Variants in NEK10 observed in about 807,000 individuals in gnomAD.
The protein encoded by NEK10 is serine/threonine-protein kinase Nek10.
Under a neutral mutation model 159.8 loss-of-function variants are expected in NEK10, and 122 were observed. That is an observed-to-expected ratio of 0.76 (90% CI 0.66 to 0.89). The LOEUF (loss-of-function observed/expected upper bound fraction) is 0.89, where lower values mean the gene tolerates loss of function less well. Among genes scored for constraint, NEK10 ranks in the 40% least tolerant of loss-of-function variants. The pLI is 0.00. For synonymous variants in NEK10, 466 were observed against 457.1 expected (o/e 1.02, Z -0.25); for missense variants, 1,342 against 1,323.1 (o/e 1.01, Z -0.22).
At chr3:27,221,379 A>T (rs193106829) in intron 23 of NEK10, among the ~76,000 whole-genome samples, 1 of 152,344 alleles carries the variant, frequency 6.6e-6, no homozygotes, top group African/African-American at 2.4e-5. Flanking sequence ...GTTACAGAAA[A>T]ATGCAATGAA....
chr3:27,159,374 TAAC>T (rs1434421374), intron 30 of NEK10, among the ~76,000 whole-genome samples: 1 of 152,122 alleles, frequency 6.6e-6, no homozygotes. Context: ...ACAGAAATAA[TAAC>T]AACTTTCCTC....
chr3:27,342,398 C>G (rs758918876), intron 5 of NEK10, among the ~76,000 whole-genome samples: 1 of 152,086 alleles, frequency 6.6e-6, no homozygotes, highest in Non-Finnish European at 1.5e-5. Context: ...ATATTTAAGC[C>G]ATCTTTTACC....
intron 23 of NEK10, among the ~76,000 whole-genome samples, chr3:27,238,746 CGTGTGT>C (rs59740177): frequency 0.092 from 12,673 of 138,042 alleles, 531 homozygotes; most frequent in Middle Eastern, 0.17. Context: ...CCTCCCCTTT[CGTGTGT>C]GTGTGTGTGT....
rs1267998393 is a variant in NEK10 at position 27,322,194 on chromosome 3, T to TAATGAGGG, written c.429_430insCCCTCATT (p.Arg144ProfsTer21). On this transcript the variant is annotated frameshift_variant, in exon 6 of 36. Coordinates refer to ENST00000691995, the MANE Select transcript of NEK10 (RefSeq NM_001394966.1). LOFTEE classifies it high-confidence loss of function. ...CAACCAACCTGATAACATGGATCCC[T>TAATGAGGG]CATTAGTAGCCTCAGACAGATTAAC... The TAATGAGGG allele has an allele frequency of 1.3e-6, 2 of 1,554,734 alleles. No individual in the cohort carries two copies. Among genetic ancestry groups the TAATGAGGG allele is most frequent in the Non-Finnish European group, 1.8e-6 (2 of 1,142,450 alleles).
chr3:27,171,947 C>G, intron 28 of NEK10, 74 bp from the exon 29 acceptor site: 1 of 1,426,432 alleles, frequency 7.0e-7, no homozygotes, highest in Non-Finnish European at 9.6e-7. Context: ...TTTAATAAAA[C>G]AATACTGAAC....
intron 22 of NEK10, among the ~76,000 whole-genome samples, chr3:27,274,305 G>A (rs184517598): frequency 6.6e-6 from 1 of 152,250 alleles, no homozygotes; most frequent in African/African-American, 2.4e-5. Context: ...TTCAACACTT[G>A]ATAAAAGAAT....
At chr3:27,229,153 C>T (rs556491817) in intron 23 of NEK10, among the ~76,000 whole-genome samples, 4 of 152,234 alleles carry the variant, frequency 2.6e-5, no homozygotes, top group African/African-American at 9.6e-5. Context: ...CCTGCCATTC[C>T]AACCCAATAG....
At chr3:27,240,404 C>T (rs1954414598) in intron 23 of NEK10, among the ~76,000 whole-genome samples, 1 of 151,848 alleles carries the variant, frequency 6.6e-6, no homozygotes, top group African/African-American at 2.4e-5. Flanking sequence ...AAGTACATAA[C>T]TAAATAATTA....
chr3:27,245,662 G>A (rs1409775267), intron 23 of NEK10, among the ~76,000 whole-genome samples: 5 of 152,140 alleles, frequency 3.3e-5, no homozygotes, highest in Admixed American at 1.3e-4. Flanking sequence ...ATAAACCATC[G>A]TGGTTTTAAG....
At chr3:27,191,467 T>C (rs1395911374) in intron 26 of NEK10, among the ~76,000 whole-genome samples, 1 of 152,236 alleles carries the variant, frequency 6.6e-6, no homozygotes, top group East Asian at 1.9e-4. Flanking sequence ...CATGTGGATA[T>C]TTGTAGCTTT....
chr3:27,308,193 G>C (rs539234212), intron 10 of NEK10, among the ~76,000 whole-genome samples: 1 of 152,194 alleles, frequency 6.6e-6, no homozygotes, highest in Non-Finnish European at 1.5e-5. Context: ...GAGCCAAGGG[G>C]GAAGAGCCCC....
intron 25 of NEK10, among the ~76,000 whole-genome samples, chr3:27,197,466 G>A (rs928712014): frequency 3.9e-5 from 6 of 152,130 alleles, no homozygotes; most frequent in African/African-American, 1.2e-4. Flanking sequence ...GTGAGCCACC[G>A]CACCTGGCCT....
Position 27,110,821 on chromosome 3 carries a change from A to G in NEK10, c.*451T>C, listed in dbSNP as rs2125389308. On this transcript the variant is annotated 3_prime_UTR_variant, in exon 36 of 36. Coordinates refer to ENST00000691995, the MANE Select transcript of NEK10 (RefSeq NM_001394966.1). ...CCAATATATTATTCTGAGTCCTGTA[A>G]CTGTCTTTATCTAAAATATTTTTTA... The G allele has an allele frequency of 6.5e-6, 1 of 153,184 alleles. No homozygotes were observed. The highest frequency in any genetic ancestry group is 6.5e-5 in the Admixed American group (1 of 15,312). 9.5% of individuals were successfully genotyped at this position (153,184 alleles called of 1,614,324 possible).
chr3:27,169,243 CAGTA>C (rs1322853958), intron 29 of NEK10, among the ~76,000 whole-genome samples: 12 of 152,158 alleles, frequency 7.9e-5, no homozygotes, highest in African/African-American at 2.9e-4. Flanking sequence ...AATAGAAAGT[CAGTA>C]AGTGAGGAAT....
At chr3:27,323,557 ATGACAGAAACTGAAGGTG>A (rs1365896123) in intron 5 of NEK10, among the ~76,000 whole-genome samples, 56 of 152,184 alleles carry the variant, frequency 3.7e-4, no homozygotes, top group Admixed American at 2.0e-4. Context: ...AAGTCATATT[ATGACAGAAACTGAAGGTG>A]TATTTGCCAC....
chr3:27,252,834 C>A (rs2149307972), intron 23 of NEK10: 1 of 484,502 alleles, frequency 2.1e-6, no homozygotes, highest in Non-Finnish European at 4.1e-6. Context: ...TGTGGTAAAG[C>A]TGAAGAACTT....
At chr3:27,131,675 GC>G (rs1036039074) in intron 32 of NEK10, among the ~76,000 whole-genome samples, 4 of 152,052 alleles carry the variant, frequency 2.6e-5, no homozygotes, top group Non-Finnish European at 5.9e-5. Context: ...TACTGAAAAA[GC>G]TATCCATTTG....
intron 25 of NEK10, among the ~76,000 whole-genome samples, chr3:27,193,435 A>C (rs1413712508): frequency 6.6e-6 from 1 of 152,096 alleles, no homozygotes; most frequent in Non-Finnish European, 1.5e-5. Flanking sequence ...GATAAAATTA[A>C]AATTCCCAGA....
chr3:27,169,359 T>C (rs1406906947), intron 29 of NEK10, among the ~76,000 whole-genome samples: 2 of 152,180 alleles, frequency 1.3e-5, no homozygotes, highest in African/African-American at 4.8e-5. Context: ...CTTTGGCATT[T>C]TGGAGTACTT....
Sources: allele counts gnomAD v4.1 joint callset (sites outside exome capture counted in the v4.1 genomes callset), GRCh38; gene constraint gnomAD v4.1.1; transcripts MANE v1.5; gene names NCBI Gene and HGNC (gene_info 2026-07-23, HGNC 2026-07-21).